The following CFAP74 variants were observed in gnomAD, a reference collection of about 807,000 sequenced individuals.
CFAP74 encodes cilia- and flagella-associated protein 74.
Under a neutral mutation model 188.9 loss-of-function variants are expected in CFAP74, and 124 were observed. The observed-to-expected ratio is 0.66, with a 90% CI of 0.57 to 0.76. The LOEUF is 0.76. Among genes scored for constraint, CFAP74 ranks in the 30% least tolerant of loss-of-function variants. The pLI, the probability that CFAP74 is intolerant of heterozygous loss-of-function variation, is 0.00. For synonymous variants in CFAP74, 956 were observed against 916.7 expected (o/e 1.04, Z -0.77); for missense variants, 2,198 against 2,165.2 (o/e 1.02, Z -0.30).
chr1:1,938,346 G>A (rs543777554), intron 25 of CFAP74, among the ~76,000 whole-genome samples: 8 of 141,410 alleles, frequency 5.7e-5, no homozygotes, highest in South Asian at 2.3e-4. Context: ...ACACACACAC[G>A]CTCACTCACA....
At chr1:1,953,205 G>A (rs768938187) in intron 18 of CFAP74, 3 of 152,006 alleles carry the variant, frequency 2.0e-5, no homozygotes, top group Non-Finnish European at 4.4e-5. Context: ...CAAGACAATG[G>A]CTCTGGCATA....
Position 1,926,712 on chromosome 1 carries a change from A to G in CFAP74, c.3712T>C (p.Ser1238Pro). ...LELWCPTVAP[S>P]VVVTSHKGKT... The stretch of plus-strand genomic sequence containing the variant: ...CCTTTATGGGACGTCACCACAACAG[A>G]TGGTGCCACCGTCGGGCACCACAGC... Residue 1238 changes from serine (S) to proline (P), a missense_variant, in exon 30 of 39, where the codon TCT becomes CCT. Physicochemically the swap from Ser to Pro is moderately conservative, Grantham distance 74. Transcript: ENST00000682832. 1 of 1,549,864 alleles carries G rather than the reference A, an allele frequency of 6.5e-7. No individual in the cohort carries two copies. Among genetic ancestry groups the G allele is most frequent in the East Asian group, 2.4e-5 (1 of 40,874 alleles).
In CFAP74 at chr1:1,930,276, G is replaced by A; in HGVS notation, c.3072C>T (p.Tyr1024=). 2 of 1,535,544 alleles carry A rather than the reference G, an allele frequency of 1.3e-6. No individual in the cohort carries two copies. Among genetic ancestry groups the A allele is most frequent in the Non-Finnish European group, 1.7e-6 (2 of 1,146,548 alleles). ...GGGCCGTGGCGGCAAACTTGATCTG[G>A]TAGTGGGACAGCTCCAGGGGTGGGT... The part of the protein sequence containing the change: ...GVHPPLELSH[Y]QIKFAATALY... The change falls in exon 26 of 39, where the codon TAC becomes TAT. Residue 1024 remains tyrosine, a synonymous_variant. Coordinates refer to ENST00000682832, the MANE Select transcript of CFAP74 (RefSeq NM_001304360.2).
intron 6 of CFAP74, among the ~76,000 whole-genome samples, chr1:1,974,540 C>T (rs1029593234): frequency 7.9e-5 from 12 of 152,186 alleles, no homozygotes; most frequent in African/African-American, 1.4e-4. Flanking sequence ...AAGGGACAGC[C>T]GTGACTCTTT....
At chr1:1,961,491 T>C (rs963954210) in intron 14 of CFAP74, among the ~76,000 whole-genome samples, 3 of 151,962 alleles carry the variant, frequency 2.0e-5, no homozygotes, top group African/African-American at 7.2e-5. Flanking sequence ...CCTCAACCTG[T>C]TGAGAGAAAA....
intron 14 of CFAP74, among the ~76,000 whole-genome samples, chr1:1,962,968 A>T (rs1655196939): frequency 6.6e-6 from 1 of 152,242 alleles, no homozygotes; most frequent in African/African-American, 2.4e-5. Flanking sequence ...ACCAGCAAGG[A>T]GGATCCAAAA....
intron 1 of CFAP74, among the ~76,000 whole-genome samples, chr1:1,992,039 CAAAAAAA>C (rs537739387): frequency 7.5e-6 from 1 of 133,176 alleles, no homozygotes; most frequent in Non-Finnish European, 1.6e-5. Context: ...GACTCCGTCT[CAAAAAAA>C]AAAAAATGCC....
In CFAP74 at chr1:1,928,762, C is replaced by T. The variant is rs577363696; in HGVS notation, c.3387+22G>A. 5.2e-6 allele frequency: 8 copies of T among 1,525,180 alleles called. No homozygotes were observed. The East Asian group carries it at 2.0e-4, about 37-fold the overall frequency. 94.5% of individuals were successfully genotyped at this position (1,525,180 alleles called of 1,614,324 possible). On this transcript the variant is annotated intron_variant, in intron 27 of 38. Coordinates refer to ENST00000682832, the MANE Select transcript of CFAP74 (RefSeq NM_001304360.2). ...ACAGGCCCTTCCCCGACCTACGCCC[C>T]TCCTTCCCGGGCCCCACGCACAGAT...
At chr1:1,989,636 T>A (rs1657457136) in intron 2 of CFAP74, among the ~76,000 whole-genome samples, 1 of 152,190 alleles carries the variant, frequency 6.6e-6, no homozygotes, top group South Asian at 2.1e-4. Context: ...AATTTTTATA[T>A]TTTTAGTAGA....
chr1:1,960,013 G>A lies in CFAP74; in HGVS notation c.1712C>T (p.Pro571Leu), dbSNP rs779466696. The A allele has an allele frequency of 5.0e-6, 8 of 1,593,062 alleles. No homozygotes were observed. The Admixed American group carries it at 8.9e-5, about 18-fold the overall frequency. Residue 571 changes from proline (P) to leucine (L), a missense_variant, in exon 15 of 39, where the codon CCC becomes CTC. Coordinates refer to ENST00000682832, the MANE Select transcript of CFAP74 (RefSeq NM_001304360.2). ...FIHVDFDPPGPLSAGMSCEVL... is the reference protein window; with the variant it reads ...FIHVDFDPPGLLSAGMSCEVL... ...TTCACAGGACATTCCGGCTGACAGGGGGCCAGGGGGGTCAAAGCTGCAGGA... is the reference window on the plus strand; with the variant it reads ...TTCACAGGACATTCCGGCTGACAGGAGGCCAGGGGGGTCAAAGCTGCAGGA...
intron 18 of CFAP74, among the ~76,000 whole-genome samples, chr1:1,952,355 A>G (rs952984445): frequency 1.5e-5 from 2 of 131,892 alleles, no homozygotes; most frequent in African/African-American, 4.4e-5. Context: ...ATAAAATTAA[A>G]AAAAAAAAAG....
chr1:1,927,028 A>G lies in CFAP74; in HGVS notation c.3528T>C (p.Ser1176=). 1.3e-6 allele frequency: 2 copies of G among 1,550,172 alleles called. No individual in the cohort carries two copies. The highest frequency in any genetic ancestry group is 1.7e-6 in the Non-Finnish European group (2 of 1,146,830). Residue 1176 remains serine (S), a splice_region_variant and synonymous_variant, in exon 29 of 39, where the codon AGT becomes AGC. Transcript: ENST00000682832. ...CTCGGGCGGCCTGGTACTCGTCGGAACTAGAAGGAAGTCAGAGGCTTGCGC... is the reference window on the plus strand; with the variant it reads ...CTCGGGCGGCCTGGTACTCGTCGGAGCTAGAAGGAAGTCAGAGGCTTGCGC... The part of the protein sequence containing the change: ...LEMRKRELRP[S]SDEYQAARAT...
intron 4 of CFAP74, among the ~76,000 whole-genome samples, chr1:1,987,570 C>A (rs1230258297): frequency 1.3e-5 from 2 of 151,512 alleles, no homozygotes; most frequent in Admixed American, 6.6e-5. Context: ...CGAGACAGAG[C>A]CTCGCTTGTC....
At chr1:1,989,054 C>CT (rs1558063499) in intron 2 of CFAP74, 81 bp from the exon 3 acceptor site, 2 of 716,086 alleles carry the variant, frequency 2.8e-6, no homozygotes, top group African/African-American at 1.8e-5. Context: ...AAATCTTTTT[C>CT]TTTTTTTGGG....
intron 12 of CFAP74, 68 bp downstream of exon 12, chr1:1,966,303 G>T (rs71630950): frequency 6.3e-5 from 87 of 1,382,878 alleles, no homozygotes; most frequent in Admixed American, 3.6e-4. Context: ...GCAGGCGTGG[G>T]AGGTGGCGAG....
Position 1,923,270 on chromosome 1 carries a change from A to T in CFAP74, c.4522+97T>A. The T allele has an allele frequency of 6.7e-7, 1 of 1,493,580 alleles. No individual in the cohort carries two copies. Among genetic ancestry groups the T allele is most frequent in the Middle Eastern group, 2.1e-4 (1 of 4,786 alleles). The allele number at this position is 1,493,580 out of a possible 1,614,324, so 92.5% of individuals were successfully genotyped here. ...CTTGGCTCTGGGGTAGAAGGCTGGG[A>T]ATCCCTGCCCTGCTCCGCTGGGTCT... On this transcript the variant is annotated intron_variant, in intron 36 of 38. Transcript: ENST00000682832. This position sits in a 1 kb window ranked among gnomAD's most constrained non-coding sequence, Gnocchi z 6.3.
intron 12 of CFAP74, 107 bp downstream of exon 12, chr1:1,966,264 G>T: frequency 9.1e-7 from 1 of 1,094,408 alleles, no homozygotes; most frequent in Non-Finnish European, 1.2e-6. Context: ...ACAGCCAGGA[G>T]AAGCCTCAGA....
chr1:1,970,893 A>G (rs1053821757), intron 9 of CFAP74, 77 bp from the exon 10 acceptor site: 135 of 1,560,576 alleles, frequency 8.7e-5, no homozygotes, highest in Non-Finnish European at 1.0e-4. Context: ...GCACATGTGC[A>G]CACACAGGTT....
intron 22 of CFAP74, among the ~76,000 whole-genome samples, chr1:1,941,059 G>A (rs1357424510): frequency 6.6e-6 from 1 of 152,116 alleles, no homozygotes; most frequent in Admixed American, 6.5e-5. Flanking sequence ...CTTGCAGTGA[G>A]CCGAGATAGT....
Sources: gnomAD v4.1 joint callset for allele counts (sites outside exome capture counted in the v4.1 genomes callset) on GRCh38, gnomAD v4.1.1 for gene constraint, Gnocchi (gnomAD v3.1) non-coding constraint, MANE v1.5 for transcripts, NCBI Gene and HGNC (gene_info 2026-07-23, HGNC 2026-07-21) for gene names.